The following H2AZ2 variants were observed in gnomAD, a reference collection of about 807,000 sequenced individuals.
H2AZ2 encodes histone H2A.V.
In H2AZ2, 5 loss-of-function variants were observed where a neutral mutation model predicts 15.5. The ratio of observed to expected loss-of-function variants is 0.32; its 90% CI spans 0.17 to 0.68. The LOEUF (loss-of-function observed/expected upper bound fraction) is 0.68, where lower values mean the gene tolerates loss of function less well. H2AZ2 is among the 30% of genes least tolerant of loss of function. H2AZ2 has a pLI of 0.72. For missense variants in H2AZ2, 42 were observed against 162.5 expected (o/e 0.26, Z 4.03); for synonymous variants, 44 against 57.4 (o/e 0.77, Z 1.05).
chr7:44,846,076 G>A (rs984215216), intron 1 of H2AZ2, among the ~76,000 whole-genome samples: 2 of 140,250 alleles, frequency 1.4e-5, no homozygotes, highest in African/African-American at 5.4e-5. Flanking sequence ...GAGAGACAGA[G>A]AGAGAGAGAG....
chr7:44,842,032 ACTTC>A (rs1159587302), intron 2 of H2AZ2, among the ~76,000 whole-genome samples: 1 of 152,150 alleles, frequency 6.6e-6, no homozygotes, highest in Non-Finnish European at 1.5e-5. Context: ...GTGACATTTT[ACTTC>A]CTTAATAAAA....
chr7:44,844,310 T>C (rs574515473), intron 1 of H2AZ2, among the ~76,000 whole-genome samples: 1 of 152,230 alleles, frequency 6.6e-6, no homozygotes, highest in Non-Finnish European at 1.5e-5. Context: ...TGAATGGGCC[T>C]TGAGGACATT....
chr7:44,828,794 C>CTTT (rs2117016438), downstream of H2AZ2: 1 of 152,210 alleles, frequency 6.6e-6, no homozygotes, highest in East Asian at 1.9e-4. Context: ...TCTCACCAGG[C>CTTT]TAAAATCAAG....
In H2AZ2 at chr7:44,834,498, C is replaced by A. The variant is rs748000235; in HGVS notation, c.*3G>T. ...GAGGAAGAGGGTTGGTTAAAGCATC[C>A]CTCTAAGCAGTTTTCTGCTGTCCCT... On this transcript the variant is annotated 3_prime_UTR_variant, in exon 5 of 5. Transcript: ENST00000308153. The A allele has an allele frequency of 9.9e-6, 16 of 1,609,506 alleles. No homozygotes were observed. The highest frequency in any genetic ancestry group is 1.3e-5 in the Non-Finnish European group (15 of 1,178,162).
intron 2 of H2AZ2, among the ~76,000 whole-genome samples, chr7:44,842,812 G>A (rs1449064325): frequency 6.6e-6 from 1 of 152,090 alleles, no homozygotes; most frequent in African/African-American, 2.4e-5. Context: ...CCACTGCCAA[G>A]AGGATAACAG....
chr7:44,846,062 C>G (rs369796758), intron 1 of H2AZ2, among the ~76,000 whole-genome samples: 4,617 of 74,922 alleles, frequency 0.062, 101 homozygotes, highest in Middle Eastern at 0.076. Context: ...CACACACACA[C>G]AGAGAGAGAC....
At chr7:44,846,374 T>C (rs1458934264) in intron 1 of H2AZ2, among the ~76,000 whole-genome samples, 1 of 152,042 alleles carries the variant, frequency 6.6e-6, no homozygotes, top group African/African-American at 2.4e-5. Flanking sequence ...TCCCAGCACT[T>C]TGTCAGGCCG....
downstream of H2AZ2, chr7:44,829,363 G>A (rs1792969216): frequency 6.6e-6 from 1 of 152,222 alleles, no homozygotes; most frequent in South Asian, 2.1e-4. Context: ...CACTTTGGAA[G>A]GCTTAGACGG....
chr7:44,837,485 T>A, intron 3 of H2AZ2, among the ~76,000 whole-genome samples: 1 of 140,756 alleles, frequency 7.1e-6, no homozygotes, highest in Admixed American at 7.0e-5. Flanking sequence ...CATTGTCCAA[T>A]CTTAACCTAA....
intron 1 of H2AZ2, 85 bp from the exon 2 acceptor site, chr7:44,843,439 T>C: frequency 1.1e-6 from 1 of 916,768 alleles, no homozygotes; most frequent in Non-Finnish European, 1.7e-6. Flanking sequence ...TTTTTCTAGT[T>C]TTACTTTAGG....
At chr7:44,845,581 T>G (rs1333637742) in intron 1 of H2AZ2, among the ~76,000 whole-genome samples, 1 of 152,162 alleles carries the variant, frequency 6.6e-6, no homozygotes, top group African/African-American at 2.4e-5. Flanking sequence ...TAAGAAGTAG[T>G]CACTAATAAA....
At position 44,832,210 on chromosome 7, in the gene H2AZ2, C is replaced by T. The variant is rs764576878; in HGVS notation, c.*2291G>A. Among the ~76,000 whole-genome samples, 4 of 152,026 alleles carry T rather than the reference C, an allele frequency of 2.6e-5. No homozygotes were observed. Among genetic ancestry groups the T allele is most frequent in the East Asian group, 1.9e-4 (1 of 5,186 alleles). On this transcript the variant is annotated 3_prime_UTR_variant, in exon 5 of 5. Coordinates refer to ENST00000308153, the MANE Select transcript of H2AZ2 (RefSeq NM_012412.5). ...TAAACCAACTGTTAAAAAAAACTTA[C>T]GAGACAATCAGGAAGTTTGAATATT...
chr7:44,843,156 A>C (rs1793316454), intron 2 of H2AZ2, 121 bp downstream of exon 2: 1 of 283,456 alleles, frequency 3.5e-6, no homozygotes, highest in East Asian at 5.5e-5. Flanking sequence ...AAAAAAAAAA[A>C]AAAAAAAAAA....
At chr7:44,836,727 T>G (rs1015618238) in intron 3 of H2AZ2, among the ~76,000 whole-genome samples, 1 of 151,368 alleles carries the variant, frequency 6.6e-6, no homozygotes, top group Non-Finnish European at 1.5e-5. Context: ...CTAGGCGCGG[T>G]GGCTCACACC....
intron 3 of H2AZ2, among the ~76,000 whole-genome samples, chr7:44,836,664 C>G (rs980343302): frequency 6.6e-6 from 1 of 151,926 alleles, no homozygotes; most frequent in Admixed American, 6.6e-5. Flanking sequence ...ACTACAGGCG[C>G]CTGCCACCAT....
intron 1 of H2AZ2, among the ~76,000 whole-genome samples, chr7:44,846,478 G>C (rs1306859140): frequency 6.6e-6 from 1 of 151,822 alleles, no homozygotes; most frequent in Non-Finnish European, 1.5e-5. Context: ...TTAGCAGGGC[G>C]TGGTGGCGCA....
intron 2 of H2AZ2, 52 bp downstream of exon 2, chr7:44,843,225 A>C: frequency 1.7e-6 from 2 of 1,200,634 alleles, no homozygotes; most frequent in Non-Finnish European, 2.4e-6. Context: ...CATAGGTCAT[A>C]AATTACAACA....
downstream of H2AZ2, among the ~76,000 whole-genome samples, chr7:44,830,556 CCTT>C (rs1372520089): frequency 6.6e-6 from 1 of 152,152 alleles, no homozygotes; most frequent in Non-Finnish European, 1.5e-5. Flanking sequence ...GGTTCTAACA[CCTT>C]CTATTTAAAA....
chr7:44,829,474 GC>G (rs1167606878), downstream of H2AZ2: 1 of 152,140 alleles, frequency 6.6e-6, no homozygotes, highest in Non-Finnish European at 1.5e-5. Context: ...GGTGGCGTGC[GC>G]CTGTAATCCC....
Sources: allele counts gnomAD v4.1 joint callset (sites outside exome capture counted in the v4.1 genomes callset), GRCh38; gene constraint gnomAD v4.1.1; transcripts MANE v1.5; gene names NCBI Gene and HGNC (gene_info 2026-07-23, HGNC 2026-07-21).